The following GTF2A1L variants were observed in gnomAD, a reference collection of about 807,000 sequenced individuals.
GTF2A1L encodes TFIIA-alpha and beta-like factor.
Under a neutral mutation model 49.7 loss-of-function variants are expected in GTF2A1L, and 48 were observed. The ratio of observed to expected loss-of-function variants is 0.97; its 90% confidence interval spans 0.77 to 1.23. GTF2A1L has a LOEUF of 1.23. GTF2A1L is among the 50% of genes most tolerant of loss of function. The probability of loss-of-function intolerance (pLI) is 0.00; values close to 1 mark genes in which losing one functional copy is unlikely to be tolerated. For missense variants in GTF2A1L, 736 were observed against 564.8 expected (o/e 1.30, Z -3.07); for synonymous variants, 246 against 193.5 (o/e 1.27, Z -2.25).
Position 48,621,261 on chromosome 2 carries a change from G to A in GTF2A1L, c.218G>A (p.Ser73Asn), listed in dbSNP as rs1675984059. Residue 73 changes from serine (S) to asparagine (N), a missense_variant, in exon 3 of 9, where the codon AGC (serine) becomes AAC (asparagine). By Grantham distance (46) the Ser-to-Asn change is conservative. Transcript: ENST00000403751. ...CTGTTTACTCTTCAGTTGCCGCACA[G>A]CTTGCACCAAACATTGCAATCGTCA... is the stretch of plus-strand genomic sequence containing the variant. Reference protein sequence around the residue: ...SPLFTLQLPHSLHQTLQSSTA... With the variant: ...SPLFTLQLPHNLHQTLQSSTA... 6.2e-7 allele frequency: 1 copy of A among 1,614,026 alleles called. No individual in the cohort carries two copies.
Position 48,620,941 on chromosome 2 carries a change from G to C in GTF2A1L, c.112G>C (p.Asp38His), listed in dbSNP as rs1013771952. 1 of 1,597,580 alleles carries C rather than the reference G, an allele frequency of 6.3e-7. No homozygotes were observed. ...AGGTATAGAGGAACAAGTTTTAAAA[G>C]ACTTGAAGCAGGTTTGTAGCCGATA... ...EEGIEEQVLKDLKQLWETKVL... is the reference protein window; with the variant it reads ...EEGIEEQVLKHLKQLWETKVL... The change falls in exon 2 of 9, where the codon GAC becomes CAC. Residue 38 changes from aspartate (D) to histidine (H), a missense_variant. By Grantham distance (81) the Asp-to-His change is moderately conservative. Transcript: ENST00000403751.
At position 48,671,684 on chromosome 2, in the gene GTF2A1L, C is replaced by T. The variant is rs764805112; in HGVS notation, c.1329+4C>T. The T allele has an allele frequency of 1.2e-6, 2 of 1,605,992 alleles. No individual in the cohort carries two copies. Among genetic ancestry groups the T allele is most frequent in the East Asian group, 2.2e-5 (1 of 44,768 alleles). On this transcript the variant is annotated splice_donor_region_variant and intron_variant, in intron 8 of 8. Coordinates refer to ENST00000403751, the MANE Select transcript of GTF2A1L (RefSeq NM_006872.5). The stretch of plus-strand genomic sequence containing the variant: ...TATTGTCTGTCAGTATGATAAGGTA[C>T]TGTATTTACCTTTTGGACTTTGGGT...
At chr2:48,648,264 A>T (rs1677649432) in intron 6 of GTF2A1L, among the ~76,000 whole-genome samples, 2 of 152,116 alleles carry the variant, frequency 1.3e-5, no homozygotes, top group African/African-American at 4.8e-5. Flanking sequence ...CACTTAGTAA[A>T]TAAATGTAGG....
At chr2:48,655,659 ATTTTTCTCC>A (rs1463135581) in intron 6 of GTF2A1L, among the ~76,000 whole-genome samples, 1 of 152,098 alleles carries the variant, frequency 6.6e-6, no homozygotes, top group Non-Finnish European at 1.5e-5. Context: ...TAAAAATTCA[ATTTTTCTCC>A]TGTGCTAAAG....
chr2:48,634,906 C>T (rs1318709793), intron 3 of GTF2A1L, among the ~76,000 whole-genome samples: 1 of 152,194 alleles, frequency 6.6e-6, no homozygotes, highest in Non-Finnish European at 1.5e-5. Flanking sequence ...GCACATCCAT[C>T]TACAGGTCCC....
intron 6 of GTF2A1L, among the ~76,000 whole-genome samples, chr2:48,659,229 C>G (rs994197172): frequency 2.0e-5 from 3 of 152,016 alleles, no homozygotes; most frequent in Non-Finnish European, 4.4e-5. Flanking sequence ...GGATGTCTAC[C>G]TTTCTAGCAA....
At chr2:48,632,837 T>C (rs886513907) in intron 3 of GTF2A1L, 7 of 225,676 alleles carry the variant, frequency 3.1e-5, no homozygotes, top group Non-Finnish European at 5.2e-5. Context: ...AGAGCCAAAG[T>C]AATTGCCAAT....
At position 48,646,821 on chromosome 2, in the gene GTF2A1L, G is replaced by C; in HGVS notation, c.757G>C (p.Val253Leu). 1 of 1,614,060 alleles carries C rather than the reference G, an allele frequency of 6.2e-7. No individual in the cohort carries two copies. Among genetic ancestry groups the C allele is most frequent in the Non-Finnish European group, 8.5e-7 (1 of 1,180,004 alleles). ...SLPGVVFSPQ[V>L]SQTNSNVESV... The stretch of plus-strand genomic sequence containing the variant: ...TCCAGGTGTTGTATTTTCTCCACAG[G>C]TCTCTCAAACAAATTCTAATGTGGA... The change falls in exon 6 of 9, where the codon GTC (valine) becomes CTC (leucine). Residue 253 changes from valine to leucine, a missense_variant. Physicochemically the swap from Val to Leu is conservative, Grantham distance 32. Coordinates refer to ENST00000403751, the MANE Select transcript of GTF2A1L (RefSeq NM_006872.5).
chr2:48,657,264 C>A (rs1241900881), intron 6 of GTF2A1L, among the ~76,000 whole-genome samples: 2 of 152,136 alleles, frequency 1.3e-5, no homozygotes, highest in Admixed American at 6.5e-5. Flanking sequence ...CCCCTTCTCC[C>A]TTTTTGGAGT....
intron 3 of GTF2A1L, among the ~76,000 whole-genome samples, chr2:48,641,278 T>C (rs1677182845): frequency 6.6e-6 from 1 of 152,316 alleles, no homozygotes; most frequent in South Asian, 2.1e-4. Context: ...TGCCTGTTAA[T>C]AAGCAAGGTC....
intron 6 of GTF2A1L, among the ~76,000 whole-genome samples, chr2:48,655,852 C>A (rs1678139853): frequency 6.6e-6 from 1 of 152,154 alleles, no homozygotes; most frequent in South Asian, 2.1e-4. Context: ...CTCCCCATTT[C>A]TCACTCTCCC....
At chr2:48,649,415 A>T (rs924191353) in intron 6 of GTF2A1L, among the ~76,000 whole-genome samples, 3 of 152,182 alleles carry the variant, frequency 2.0e-5, no homozygotes, top group African/African-American at 7.2e-5. Flanking sequence ...ATCAGTGTGT[A>T]GTCTCTTCTA....
At chr2:48,669,648 A>C (rs192250184) in intron 6 of GTF2A1L, 74 bp from the exon 7 acceptor site, 285 of 1,501,160 alleles carry the variant, frequency 1.9e-4, no homozygotes, top group Non-Finnish European at 3.9e-5. Context: ...AATGTTTGTT[A>C]ATTTTAAATT....
In GTF2A1L at chr2:48,679,377, G is replaced by C; in HGVS notation, c.1372G>C (p.Gly458Arg). 2 of 1,611,802 alleles carry C rather than the reference G, an allele frequency of 1.2e-6. No homozygotes were observed. The highest frequency in any genetic ancestry group is 1.7e-6 in the Non-Finnish European group (2 of 1,178,894). ...KNKWKFYLKD[G>R]VMCFGGRDYV... Reference sequence around the variant, plus strand: ...CAAATGGAAATTCTATTTGAAAGATGGTGTTATGTGTTTTGGAGGGAGAGA... The same window carrying C: ...CAAATGGAAATTCTATTTGAAAGATCGTGTTATGTGTTTTGGAGGGAGAGA... Residue 458 changes from glycine to arginine, a missense_variant, in exon 9 of 9, where the codon GGT becomes CGT. Transcript: ENST00000403751.
intron 8 of GTF2A1L, among the ~76,000 whole-genome samples, chr2:48,674,878 C>T (rs535880715): frequency 3.4e-4 from 52 of 151,998 alleles, no homozygotes; most frequent in Non-Finnish European, 4.0e-4. Flanking sequence ...TCTGAGAACC[C>T]TTCTACTTAG....
chr2:48,637,816 C>T (rs576802183), intron 3 of GTF2A1L, among the ~76,000 whole-genome samples: 1 of 151,456 alleles, frequency 6.6e-6, no homozygotes, highest in Non-Finnish European at 1.5e-5. Flanking sequence ...AAATAACCAT[C>T]AGAAACCATC....
rs149830719 is a variant in GTF2A1L at position 48,655,716 on chromosome 2, AT to A, written c.978+8679del. On this transcript the variant is annotated intron_variant, in intron 6 of 8. Transcript: ENST00000403751. ...TAACTATTTATTTTATTTTTAAATT[AT>A]TTTTACAATTTTTAACTGTATAGCT... is the stretch of plus-strand genomic sequence containing the variant. Among the ~76,000 whole-genome samples, 70 of 152,240 alleles carry A rather than the reference AT, an allele frequency of 4.6e-4. 1 individual carries two copies. The East Asian group carries it at 0.012, about 27-fold the overall frequency.
intron 6 of GTF2A1L, among the ~76,000 whole-genome samples, chr2:48,658,998 G>A (rs1678337780): frequency 1.3e-5 from 2 of 152,102 alleles, no homozygotes; most frequent in South Asian, 4.1e-4. Context: ...TTTCCTTTAA[G>A]ATGCTAGAAA....
chr2:48,619,172 C>G (rs1030795139), intron 1 of GTF2A1L, among the ~76,000 whole-genome samples: 8 of 151,998 alleles, frequency 5.3e-5, no homozygotes, highest in African/African-American at 1.9e-4. Flanking sequence ...GCTTTAAATA[C>G]TAAATACTCT....
Sources: gnomAD v4.1 joint callset for allele counts (sites outside exome capture counted in the v4.1 genomes callset) on GRCh38, gnomAD v4.1.1 for gene constraint, MANE v1.5 for transcripts, NCBI Gene and HGNC (gene_info 2026-07-23, HGNC 2026-07-21) for gene names.